MSANTD2: variants seen among roughly 807,000 people sequenced by gnomAD.
MSANTD2 encodes myb/SANT-like DNA-binding domain-containing protein 2.
In MSANTD2, 19 loss-of-function variants were observed where a neutral mutation model predicts 52.6. The ratio of observed to expected loss-of-function variants is 0.36; its 90% CI spans 0.25 to 0.53. The LOEUF (loss-of-function observed/expected upper bound fraction) is 0.53. Ranked by LOEUF, MSANTD2 falls within the 20% of genes least tolerant of loss-of-function variation. The pLI is 0.91. For missense variants in MSANTD2, 558 were observed against 716.3 expected (o/e 0.78, Z 2.52); for synonymous variants, 291 against 289.7 (o/e 1.00, Z -0.04).
chr11:124,790,268 CAG>C (rs1945290209), intron 1 of MSANTD2: 1 of 152,160 alleles, frequency 6.6e-6, no homozygotes, highest in African/African-American at 2.4e-5. Context: ...GAAGAGTCTG[CAG>C]AGAGTATATG....
At chr11:124,796,138 C>G (rs1164270270) in intron 1 of MSANTD2, among the ~76,000 whole-genome samples, 2 of 152,054 alleles carry the variant, frequency 1.3e-5, no homozygotes, top group Admixed American at 1.3e-4. Context: ...GTCTCAAAAT[C>G]CAAGAGTTAA....
intron 1 of MSANTD2, chr11:124,791,660 G>T: frequency 7.1e-7 from 1 of 1,408,576 alleles, no homozygotes. Context: ...ACCAGCATTT[G>T]GTGAGGGCAT....
intron 1 of MSANTD2, chr11:124,792,666 A>T (rs1167893719): frequency 6.6e-6 from 1 of 152,238 alleles, no homozygotes; most frequent in East Asian, 1.9e-4. Context: ...GTTCCTTAGT[A>T]ATCTGACTCC....
At chr11:124,784,774 G>C in intron 1 of MSANTD2, 1 of 602,906 alleles carries the variant, frequency 1.7e-6, no homozygotes, top group Non-Finnish European at 2.1e-6. Context: ...ATGAGAAAAA[G>C]AATCCTGATA....
chr11:124,784,462 C>T, intron 1 of MSANTD2: 1 of 970,748 alleles, frequency 1.0e-6, no homozygotes, highest in Non-Finnish European at 1.2e-6. Context: ...ATTCCATGGA[C>T]AACCATGTCT....
chr11:124,786,787 T>A (rs965974632), intron 1 of MSANTD2, among the ~76,000 whole-genome samples: 2 of 152,248 alleles, frequency 1.3e-5, no homozygotes, highest in African/African-American at 4.8e-5. Flanking sequence ...GCTGTCCATC[T>A]GGGTGTTACT....
rs372721858 is a variant in MSANTD2 at position 124,774,694 on chromosome 11, G to A, written c.766+25C>T. ...GGTATATAAATATACACAAACATAA[G>A]TATCATATATGTTGGCTTTCTTACC... On this transcript the variant is annotated intron_variant, in intron 2 of 3. Transcript: ENST00000374979. The surrounding 1 kb of genome is among the most constrained non-coding windows in gnomAD (Gnocchi z 5.1). 1 of 1,604,790 alleles carries A rather than the reference G, an allele frequency of 6.2e-7. No individual in the cohort carries two copies. The highest frequency in any genetic ancestry group is 8.5e-7 in the Non-Finnish European group (1 of 1,172,926).
intron 1 of MSANTD2, among the ~76,000 whole-genome samples, chr11:124,794,692 G>A (rs181417475): frequency 1.3e-5 from 2 of 152,236 alleles, no homozygotes; most frequent in Admixed American, 1.3e-4. Flanking sequence ...TGCCCTGTTG[G>A]TTCTTATAAA....
chr11:124,784,086 A>G (rs1364893794), intron 1 of MSANTD2: 2 of 985,212 alleles, frequency 2.0e-6, no homozygotes, highest in African/African-American at 1.7e-5. Context: ...AAGCAGCAAT[A>G]GGTAGTAGCT....
chr11:124,775,008 G>A, intron 1 of MSANTD2, 34 bp from the exon 2 acceptor site: 1 of 1,521,152 alleles, frequency 6.6e-7, no homozygotes, highest in Non-Finnish European at 8.8e-7. Context: ...TTCCTTTAAA[G>A]CTGTACTTCC....
At chr11:124,780,494 T>G (rs1176005648) in intron 1 of MSANTD2, among the ~76,000 whole-genome samples, 1 of 152,178 alleles carries the variant, frequency 6.6e-6, no homozygotes, top group African/African-American at 2.4e-5. Flanking sequence ...TCTTCAATCT[T>G]TTGCTTTTCC....
intron 1 of MSANTD2, among the ~76,000 whole-genome samples, chr11:124,777,011 G>A (rs1944771757): frequency 6.6e-6 from 1 of 152,210 alleles, no homozygotes; most frequent in African/African-American, 2.4e-5. Context: ...ACCTTCCAAT[G>A]GAAGGAGACA....
intron 1 of MSANTD2, chr11:124,791,058 C>T (rs1945315909): frequency 5.8e-6 from 3 of 520,124 alleles, no homozygotes; most frequent in Admixed American, 3.1e-5. Flanking sequence ...CCTTTCTAAA[C>T]ACAAGTAGGA....
At position 124,799,796 on chromosome 11, in the gene MSANTD2, C is replaced by T. The variant is rs973573038; in HGVS notation, c.510+75G>A. ...GAGGAGAGCCCTGCCCTCAGACCGG[C>T]CCCCGCCCCCGAGGCCCGCTTCCCC... On this transcript the variant is annotated intron_variant, in intron 1 of 3. Coordinates refer to ENST00000374979, the MANE Select transcript of MSANTD2 (RefSeq NM_001308027.2). 5.2e-6 allele frequency: 6 copies of T among 1,145,630 alleles called. No individual in the cohort carries two copies. The Admixed American group carries it at 7.0e-5, about 13-fold the overall frequency. 71.0% of individuals were successfully genotyped at this position (1,145,630 alleles called of 1,614,324 possible).
chr11:124,798,911 C>G (rs934329963), intron 1 of MSANTD2, among the ~76,000 whole-genome samples: 5 of 152,138 alleles, frequency 3.3e-5, no homozygotes, highest in Non-Finnish European at 5.9e-5. Context: ...GCAGCCACTA[C>G]GATGAGGAAA....
intron 1 of MSANTD2, chr11:124,791,301 T>A: frequency 4.2e-6 from 6 of 1,443,024 alleles, no homozygotes; most frequent in Non-Finnish European, 5.8e-6. Context: ...ACTGTCCCTG[T>A]GGCTGGAGGG....
intron 1 of MSANTD2, among the ~76,000 whole-genome samples, chr11:124,798,292 G>A (rs1267670603): frequency 6.6e-6 from 1 of 150,604 alleles, no homozygotes; most frequent in Non-Finnish European, 1.5e-5. Context: ...GGGCATGCCT[G>A]CAGTCCTAGC....
Position 124,800,173 on chromosome 11 carries a change from G to A in MSANTD2, c.208C>T (p.Leu70=), listed in dbSNP as rs183501631. 0.053 allele frequency: 78,112 copies of A among 1,470,646 alleles called. 2,439 individuals carry two copies. The highest frequency in any genetic ancestry group is 0.063 in the Non-Finnish European group (69,861 of 1,116,572). 91.1% of individuals were successfully genotyped at this position (1,470,646 alleles called of 1,614,324 possible). The change falls in exon 1 of 4, where the codon CTG becomes TTG. Residue 70 remains leucine, a synonymous_variant. Transcript: ENST00000374979. This position sits in a 1 kb window ranked among gnomAD's most constrained non-coding sequence, Gnocchi z 4.3. ...GACGAGGCGGCGCTGCGGCCCCCCA[G>A]CCCCAGCCCGAGACCCCCGGACGCC... ...AAASGGLGLG[L]GGRSAASSSV... is the part of the protein sequence containing the mutation.
Position 124,779,695 on chromosome 11 carries a change from AT to A in MSANTD2, c.511-4722del, listed in dbSNP as rs1944883195. ...CAAGAAAAAACAAGCAGTGAAACAGATTTTCAAATGTAGCTGTCAAGCTGGC... is the reference window on the plus strand; with the variant it reads ...CAAGAAAAAACAAGCAGTGAAACAGATTTCAAATGTAGCTGTCAAGCTGGC... On this transcript the variant is annotated intron_variant, in intron 1 of 3. Coordinates refer to ENST00000374979, the MANE Select transcript of MSANTD2 (RefSeq NM_001308027.2). This position sits in a 1 kb window ranked among gnomAD's most constrained non-coding sequence, Gnocchi z 4.6. Among the ~76,000 whole-genome samples the A allele has an allele frequency of 6.6e-6, 1 of 152,206 alleles. No individual in the cohort carries two copies. The highest frequency in any genetic ancestry group is 2.4e-5 in the African/African-American group (1 of 41,454).
Sources: gnomAD v4.1 joint callset for allele counts (sites outside exome capture counted in the v4.1 genomes callset) on GRCh38, gnomAD v4.1.1 for gene constraint, Gnocchi (gnomAD v3.1) non-coding constraint, MANE v1.5 for transcripts, NCBI Gene and HGNC (gene_info 2026-07-23, HGNC 2026-07-21) for gene names.